Variants in FAM117A observed in about 807,000 individuals in gnomAD.
FAM117A encodes protein FAM117A.
FAM117A carries 21 observed loss-of-function variants against 44.1 expected under a neutral mutation model. The ratio of observed to expected loss-of-function variants is 0.48; its 90% CI spans 0.34 to 0.69. The LOEUF is 0.69. FAM117A is among the 30% of genes least tolerant of loss of function. The pLI is 0.01. For missense variants in FAM117A, 498 were observed against 589.9 expected (o/e 0.84, Z 1.61); for synonymous variants, 220 against 238.3 (o/e 0.92, Z 0.71).
chr17:49,720,103 C>A (rs1037399830), intron 4 of FAM117A: 18 of 711,342 alleles, frequency 2.5e-5, no homozygotes, highest in Middle Eastern at 3.7e-4. Flanking sequence ...GCTGTAGAGT[C>A]ATTGCCTCAA....
chr17:49,714,051 T>C (rs1279780174), intron 7 of FAM117A, among the ~76,000 whole-genome samples: 1 of 152,078 alleles, frequency 6.6e-6, no homozygotes. Flanking sequence ...GAGAACGTTC[T>C]AGGTGTGTGC....
intron 1 of FAM117A, among the ~76,000 whole-genome samples, chr17:49,742,525 AGAG>A (rs2073638846): frequency 6.6e-6 from 1 of 152,230 alleles, no homozygotes; most frequent in Admixed American, 6.5e-5. Context: ...AATTCTCTGA[AGAG>A]GAGTTCTGCA....
intron 7 of FAM117A, among the ~76,000 whole-genome samples, chr17:49,714,071 T>C (rs1478168427): frequency 6.6e-6 from 1 of 152,080 alleles, no homozygotes; most frequent in African/African-American, 2.4e-5. Context: ...CATGTACGTG[T>C]TGGGAAGGTG....
At chr17:49,786,379 C>T (rs2073805854) in intron 1 of FAM117A, among the ~76,000 whole-genome samples, 1 of 152,190 alleles carries the variant, frequency 6.6e-6, no homozygotes. Context: ...GATAACTTCA[C>T]CATCTCTGAG....
At chr17:49,738,442 G>A (rs1327075775) in intron 1 of FAM117A, among the ~76,000 whole-genome samples, 1 of 152,182 alleles carries the variant, frequency 6.6e-6, no homozygotes, top group Non-Finnish European at 1.5e-5. Flanking sequence ...GGAGGGGAAA[G>A]GATTGAGGAG....
At chr17:49,753,625 G>A (rs1598031652) in intron 1 of FAM117A, among the ~76,000 whole-genome samples, 2 of 152,258 alleles carry the variant, frequency 1.3e-5, no homozygotes, top group South Asian at 4.1e-4. Context: ...AGACCAGCCT[G>A]GCCAACATGG....
chr17:49,747,432 T>C (rs2073658356), intron 1 of FAM117A, among the ~76,000 whole-genome samples: 1 of 152,166 alleles, frequency 6.6e-6, no homozygotes, highest in Non-Finnish European at 1.5e-5. Flanking sequence ...GACTGATTCA[T>C]TTTGCTCTGG....
intron 1 of FAM117A, among the ~76,000 whole-genome samples, chr17:49,785,035 G>T (rs981975148): frequency 5.3e-5 from 8 of 152,216 alleles, no homozygotes; most frequent in African/African-American, 1.9e-4. Flanking sequence ...ACATTAGAAT[G>T]TTATAGCCAT....
chr17:49,754,606 G>A (rs560827268), intron 1 of FAM117A, among the ~76,000 whole-genome samples: 2 of 152,076 alleles, frequency 1.3e-5, no homozygotes, highest in South Asian at 4.2e-4. Context: ...GCCCGGCCAA[G>A]CACAGCAAAC....
rs149987816 is a variant in FAM117A at position 49,729,083 on chromosome 17, G to T, written c.366+3468C>A. On this transcript the variant is annotated intron_variant, in intron 2 of 7. Coordinates refer to ENST00000240364, the MANE Select transcript of FAM117A (RefSeq NM_030802.4). ...GTTGGCACTACTGGGCTATATTCAAGAACTGAGAGCTTTTCGCTCCATCTT... is the reference window on the plus strand; with the variant it reads ...GTTGGCACTACTGGGCTATATTCAATAACTGAGAGCTTTTCGCTCCATCTT... Among the ~76,000 whole-genome samples, 237 of 152,328 alleles carry T rather than the reference G, an allele frequency of 1.6e-3. 1 individual carries two copies. The highest frequency in any genetic ancestry group is 5.6e-3 in the African/African-American group (234 of 41,568).
At chr17:49,782,600 G>A (rs1000419948) in intron 1 of FAM117A, among the ~76,000 whole-genome samples, 1 of 144,648 alleles carries the variant, frequency 6.9e-6, no homozygotes, top group African/African-American at 2.6e-5. Flanking sequence ...TGAGGCAGGA[G>A]AATCGCTTGA....
chr17:49,751,026 T>G (rs948820758), intron 1 of FAM117A, among the ~76,000 whole-genome samples: 8 of 152,058 alleles, frequency 5.3e-5, no homozygotes, highest in African/African-American at 1.9e-4. Context: ...ACGCCTATAA[T>G]CCCAGCACTT....
chr17:49,759,355 T>C (rs1195254145), intron 1 of FAM117A, among the ~76,000 whole-genome samples: 1 of 152,182 alleles, frequency 6.6e-6, no homozygotes, highest in African/African-American at 2.4e-5. Flanking sequence ...AGCCAGATGC[T>C]TCAGCAGTGC....
intron 1 of FAM117A, among the ~76,000 whole-genome samples, chr17:49,772,496 A>C (rs1011476707): frequency 1.3e-5 from 2 of 152,136 alleles, no homozygotes; most frequent in Admixed American, 6.5e-5. Context: ...TCACGCCTGT[A>C]ATCTCAGCAC....
chr17:49,712,576 T>A (rs965557283), intron 7 of FAM117A, among the ~76,000 whole-genome samples: 1 of 152,106 alleles, frequency 6.6e-6, no homozygotes, highest in African/African-American at 2.4e-5. Context: ...TGTGGCAGGA[T>A]CATGGCTTAC....
chr17:49,724,728 C>T (rs980877308), intron 2 of FAM117A, among the ~76,000 whole-genome samples: 9 of 147,524 alleles, frequency 6.1e-5, no homozygotes, highest in African/African-American at 2.0e-4. Flanking sequence ...AGCTGAGGCA[C>T]GAGAATTGCT....
intron 1 of FAM117A, among the ~76,000 whole-genome samples, chr17:49,752,600 C>A (rs1413202586): frequency 1.3e-5 from 2 of 152,132 alleles, no homozygotes; most frequent in Non-Finnish European, 2.9e-5. Flanking sequence ...AGCTCAGTAA[C>A]CATGACCACC....
upstream of FAM117A, among the ~76,000 whole-genome samples, chr17:49,767,087 G>A (rs929369820): frequency 6.6e-6 from 1 of 152,142 alleles, no homozygotes; most frequent in Non-Finnish European, 1.5e-5. Flanking sequence ...GGCATGCATA[G>A]GACAATTTGG....
chr17:49,746,668 C>A (rs2073655524), intron 1 of FAM117A, among the ~76,000 whole-genome samples: 3 of 152,192 alleles, frequency 2.0e-5, no homozygotes, highest in Non-Finnish European at 4.4e-5. Context: ...CTCAGATATA[C>A]ACAGCCAAGT....
Sources: gnomAD v4.1 joint callset for allele counts (sites outside exome capture counted in the v4.1 genomes callset) on GRCh38, gnomAD v4.1.1 for gene constraint, MANE v1.5 for transcripts, NCBI Gene and HGNC (gene_info 2026-07-23, HGNC 2026-07-21) for gene names.